POLR2G: variants seen among roughly 807,000 people sequenced by gnomAD.
POLR2G encodes DNA-directed RNA polymerase II subunit RPB7.
A neutral mutation model predicts 25.7 loss-of-function variants in POLR2G; 19 were observed. That is an observed-to-expected ratio of 0.74 (90% confidence interval 0.52 to 1.08). POLR2G has a LOEUF of 1.08. POLR2G is among the 50% of genes least tolerant of loss of function. The pLI, the probability that POLR2G is intolerant of heterozygous loss-of-function variation, is 0.00. For synonymous variants in POLR2G, 79 were observed against 76.0 expected, an observed-to-expected ratio of 1.04 and a Z score of -0.21; for missense variants, 123 against 218.5, an observed-to-expected ratio of 0.56 and a Z score of 2.76.
In POLR2G at chr11:62,763,046, A is replaced by C. The variant is rs1005388539; in HGVS notation, c.282+20A>C. 1 of 1,526,626 alleles carries C rather than the reference A, an allele frequency of 6.6e-7. No homozygotes were observed. The allele number at this position is 1,526,626 out of a possible 1,614,324, so 94.6% of individuals were successfully genotyped here. Reference sequence around the variant, plus strand: ...AACAAGGTGAGACCATACATAGGGGAGGCAGTGGGGTAGTCTCTCGGAAGA... The same window carrying C: ...AACAAGGTGAGACCATACATAGGGGCGGCAGTGGGGTAGTCTCTCGGAAGA... On this transcript the variant is annotated intron_variant, in intron 3 of 7. Coordinates refer to ENST00000301788, the MANE Select transcript of POLR2G (RefSeq NM_002696.3).
At chr11:62,764,855 T>C (rs557000243) in intron 3 of POLR2G, among the ~76,000 whole-genome samples, 1 of 151,416 alleles carries the variant, frequency 6.6e-6, no homozygotes, top group East Asian at 1.9e-4. Context: ...AAAGGCAAGA[T>C]CACTCTTTTG....
Position 62,762,974 on chromosome 11 carries a change from T to C in POLR2G, c.230T>C (p.Phe77Ser). The change falls in exon 3 of 8, where the codon TTC becomes TCC. Residue 77 changes from phenylalanine (F) to serine (S), a missense_variant. Transcript: ENST00000301788. ...CCAGTTAAGTACAAGGCCATTGTTT[T>C]CCGGCCATTTAAAGGGGAGGTCGTG... ...LYPVKYKAIV[F>S]RPFKGEVVDA... 6.2e-7 allele frequency: 1 copy of C among 1,611,386 alleles called. No homozygotes were observed.
At chr11:62,763,794 G>C (rs903880720) in intron 3 of POLR2G, among the ~76,000 whole-genome samples, 5 of 150,898 alleles carry the variant, frequency 3.3e-5, no homozygotes, top group African/African-American at 4.9e-5. Context: ...CCAGGCTGGA[G>C]TGCAGTGGCG....
At chr11:62,762,133 C>A (rs182799230) in intron 2 of POLR2G, 2 of 559,676 alleles carry the variant, frequency 3.6e-6, no homozygotes, top group Admixed American at 6.1e-5. Flanking sequence ...ACTCCTCAAA[C>A]ATTTTAAAAA....
intron 3 of POLR2G, among the ~76,000 whole-genome samples, chr11:62,764,327 G>A (rs2084104059): frequency 6.6e-6 from 1 of 151,992 alleles, no homozygotes; most frequent in South Asian, 2.1e-4. Flanking sequence ...CAGGCATTGT[G>A]GCATGTGCGT....
At position 62,766,600 on chromosome 11, in the gene POLR2G, G is replaced by A; in HGVS notation, c.*93G>A. Reference sequence around the variant, plus strand: ...GAGGTCCAGTCTGGCTGCTGTTGTGGAGGCAAGGAAGGCAACTCATCCCAG... The same window carrying A: ...GAGGTCCAGTCTGGCTGCTGTTGTGAAGGCAAGGAAGGCAACTCATCCCAG... On this transcript the variant is annotated 3_prime_UTR_variant, in exon 8 of 8. Coordinates refer to ENST00000301788, the MANE Select transcript of POLR2G (RefSeq NM_002696.3). 7.8e-7 allele frequency: 1 copy of A among 1,287,370 alleles called. No individual in the cohort carries two copies. Among genetic ancestry groups the A allele is most frequent in the Non-Finnish European group, 1.1e-6 (1 of 890,538 alleles). 79.7% of individuals were successfully genotyped at this position (1,287,370 alleles called of 1,614,324 possible). A position where few individuals can be genotyped will look rare whatever the true frequency, so the allele number is the denominator to read the frequency against.
At chr11:62,766,215 C>T in intron 6 of POLR2G, 28 bp from the exon 7 acceptor site, 1 of 1,611,280 alleles carries the variant, frequency 6.2e-7, no homozygotes, top group Non-Finnish European at 8.5e-7. Context: ...ATCTTGGCTT[C>T]ACTTTCTTTT....
chr11:62,766,217 C>T (rs1470488459), intron 6 of POLR2G, 26 bp from the exon 7 acceptor site: 1 of 1,612,182 alleles, frequency 6.2e-7, no homozygotes, highest in African/African-American at 1.3e-5. Context: ...CTTGGCTTCA[C>T]TTTCTTTTTA....
chr11:62,761,744 C>G, intron 1 of POLR2G, 51 bp from the exon 2 acceptor site: 3 of 1,607,030 alleles, frequency 1.9e-6, no homozygotes, highest in South Asian at 1.1e-5. Flanking sequence ...CCCTTGTCGT[C>G]CAATAACCTG....
At chr11:62,763,344 G>A (rs1301096008) in intron 3 of POLR2G, among the ~76,000 whole-genome samples, 7 of 143,032 alleles carry the variant, frequency 4.9e-5, no homozygotes, top group Admixed American at 7.0e-5. Context: ...ACCCAGGCTG[G>A]TGTGCAGTGG....
chr11:62,766,516 GCCTCCTAC>G lies in POLR2G; in HGVS notation c.*13_*20del. 1 of 1,613,210 alleles carries G rather than the reference GCCTCCTAC, an allele frequency of 6.2e-7. No homozygotes were observed. The highest frequency in any genetic ancestry group is 2.2e-5 in the East Asian group (1 of 44,874). On this transcript the variant is annotated 3_prime_UTR_variant, in exon 8 of 8. Transcript: ENST00000301788. ...CAGGGCTTGTAAGCTGAGCCTGGTGGCCTCCTACCCTTGGTCCTACTCTAGGAAGTGTG... is the reference window on the plus strand; with the variant it reads ...CAGGGCTTGTAAGCTGAGCCTGGTGGCCTTGGTCCTACTCTAGGAAGTGTG...
chr11:62,764,198 C>T (rs2084103493), intron 3 of POLR2G, among the ~76,000 whole-genome samples: 1 of 152,038 alleles, frequency 6.6e-6, no homozygotes, highest in Non-Finnish European at 1.5e-5. Flanking sequence ...CGGTGACTCA[C>T]ATCTGTAATC....
intron 2 of POLR2G, 193 bp from the exon 3 acceptor site, chr11:62,762,674 G>A: frequency 3.1e-6 from 2 of 646,744 alleles, no homozygotes; most frequent in Non-Finnish European, 5.8e-6. Flanking sequence ...TACCAGAACA[G>A]CATTTGGTCT....
At chr11:62,763,929 A>T (rs892899592) in intron 3 of POLR2G, among the ~76,000 whole-genome samples, 41 of 151,312 alleles carry the variant, frequency 2.7e-4, no homozygotes, top group Non-Finnish European at 5.0e-4. Context: ...TTTAGTAGAG[A>T]TGGGGTTTCT....
intron 3 of POLR2G, among the ~76,000 whole-genome samples, chr11:62,764,173 A>G (rs2084103301): frequency 6.6e-6 from 1 of 152,000 alleles, no homozygotes; most frequent in Non-Finnish European, 1.5e-5. Flanking sequence ...TTAAAATGAA[A>G]GCTTAGGCTG....
rs141704472 is a variant in POLR2G at position 62,765,233 on chromosome 11, G to A, written c.333+1G>A. 7 of 1,613,822 alleles carry A rather than the reference G, an allele frequency of 4.3e-6. No individual in the cohort carries two copies. The highest frequency in any genetic ancestry group is 5.1e-6 in the Non-Finnish European group (6 of 1,179,868). On this transcript the variant is annotated splice_donor_variant, in intron 4 of 7. Transcript: ENST00000301788. LOFTEE classifies it high-confidence loss of function. ...CATGTCTTGCTTCATCTCTCGACATGTAAGTCTGGGCACACTGGGTGGGGC... is the reference window on the plus strand; with the variant it reads ...CATGTCTTGCTTCATCTCTCGACATATAAGTCTGGGCACACTGGGTGGGGC...
chr11:62,764,854 A>C, intron 3 of POLR2G, among the ~76,000 whole-genome samples: 1 of 151,886 alleles, frequency 6.6e-6, no homozygotes, highest in East Asian at 1.9e-4. Context: ...AAAAGGCAAG[A>C]TCACTCTTTT....
At chr11:62,762,119 A>G in intron 2 of POLR2G, 2 of 575,468 alleles carry the variant, frequency 3.5e-6, no homozygotes, top group South Asian at 2.1e-5. Context: ...TGGGTCATTC[A>G]TTGACTCCTC....
chr11:62,766,186 G>A (rs1590929104), intron 6 of POLR2G, 57 bp from the exon 7 acceptor site: 4 of 1,447,818 alleles, frequency 2.8e-6, no homozygotes, highest in East Asian at 4.5e-5. Context: ...GCTGCAGGGT[G>A]GAGGTTGGTT....
Sources: allele counts gnomAD v4.1 joint callset (sites outside exome capture counted in the v4.1 genomes callset), GRCh38; gene constraint gnomAD v4.1.1; transcripts MANE v1.5; gene names NCBI Gene and HGNC (gene_info 2026-07-23, HGNC 2026-07-21).